SNX10: variants seen among roughly 807,000 people sequenced by gnomAD.
The protein encoded by SNX10 is sorting nexin 10, also known as sorting nexin-10.
A neutral mutation model predicts 28.5 loss-of-function variants in SNX10; 25 were observed. The observed-to-expected ratio is 0.88, with a 90% CI of 0.64 to 1.22. The LOEUF is 1.22. Ranked by LOEUF, SNX10 falls within the 50% of genes most tolerant of loss-of-function variation. SNX10 has a pLI of 0.00. For missense variants in SNX10, 223 were observed against 242.6 expected (o/e 0.92, Z 0.54); for synonymous variants, 62 against 81.4 (o/e 0.76, Z 1.28).
intron 2 of SNX10, among the ~76,000 whole-genome samples, chr7:26,353,208 C>T (rs1301991235): frequency 6.6e-6 from 1 of 152,180 alleles, no homozygotes; most frequent in Non-Finnish European, 1.5e-5. Context: ...GGTATTTAAA[C>T]ATACTCCATG....
intron 1 of SNX10, among the ~76,000 whole-genome samples, chr7:26,339,135 A>G (rs1391620143): frequency 6.6e-6 from 1 of 152,270 alleles, no homozygotes; most frequent in Non-Finnish European, 1.5e-5. Context: ...GAGTCAAACC[A>G]TGAACTGAAT....
intron 5 of SNX10, among the ~76,000 whole-genome samples, chr7:26,366,027 ATTATC>A (rs1490005972): frequency 6.6e-6 from 1 of 152,276 alleles, no homozygotes; most frequent in East Asian, 1.9e-4. Context: ...GTTGGCTGTT[ATTATC>A]TTAATGCACT....
intron 1 of SNX10, among the ~76,000 whole-genome samples, chr7:26,317,652 CTTT>C (rs1787141528): frequency 7.2e-6 from 1 of 139,258 alleles, no homozygotes; most frequent in Non-Finnish European, 1.5e-5. Flanking sequence ...TGGTGATCTT[CTTT>C]GATCTTTTTT....
At chr7:26,334,415 T>G (rs1033994181) in intron 1 of SNX10, among the ~76,000 whole-genome samples, 15 of 152,200 alleles carry the variant, frequency 9.9e-5, no homozygotes, top group Admixed American at 4.6e-4. Context: ...TTATTCTGTT[T>G]AGTAACTGGG....
At chr7:26,294,831 T>G (rs559141696) in intron 1 of SNX10, among the ~76,000 whole-genome samples, 2 of 152,332 alleles carry the variant, frequency 1.3e-5, no homozygotes, top group South Asian at 4.1e-4. Context: ...ATGTGGAAAC[T>G]GAGGCACAAA....
chr7:26,334,556 A>G (rs1787853275), intron 1 of SNX10, among the ~76,000 whole-genome samples: 1 of 152,184 alleles, frequency 6.6e-6, no homozygotes, highest in East Asian at 1.9e-4. Flanking sequence ...TGTGAGGTTA[A>G]AATTCTGTAA....
intron 2 of SNX10, among the ~76,000 whole-genome samples, chr7:26,354,860 C>T (rs1442035827): frequency 6.6e-6 from 1 of 151,930 alleles, no homozygotes; most frequent in Non-Finnish European, 1.5e-5. Context: ...ATGTGGATTG[C>T]CCTTTTGAGA....
intron 1 of SNX10, among the ~76,000 whole-genome samples, chr7:26,311,129 T>G (rs944297508): frequency 6.6e-6 from 1 of 151,782 alleles, no homozygotes; most frequent in South Asian, 2.1e-4. Flanking sequence ...GGGACAGTGG[T>G]TTAACATTTT....
chr7:26,299,980 G>A (rs953979769), intron 1 of SNX10, among the ~76,000 whole-genome samples: 32 of 152,108 alleles, frequency 2.1e-4, no homozygotes, highest in Non-Finnish European at 8.8e-5. Context: ...GGAGGCCGAG[G>A]CGAGTGGATC....
At chr7:26,299,665 C>T (rs1350392070) in intron 1 of SNX10, among the ~76,000 whole-genome samples, 1 of 152,052 alleles carries the variant, frequency 6.6e-6, no homozygotes, top group African/African-American at 2.4e-5. Context: ...ACCTCGTGAT[C>T]TGCCCGCCTT....
chr7:26,319,045 T>C (rs1490229330), intron 1 of SNX10, among the ~76,000 whole-genome samples: 1 of 152,212 alleles, frequency 6.6e-6, no homozygotes, highest in Non-Finnish European at 1.5e-5. Flanking sequence ...CCTTTCAAGC[T>C]AGTTATTGGA....
At chr7:26,316,377 A>G (rs79293489) in intron 1 of SNX10, among the ~76,000 whole-genome samples, 10,186 of 152,202 alleles carry the variant, frequency 0.067, 462 homozygotes, top group East Asian at 0.19. Flanking sequence ...CATTGGTGTG[A>G]TTACATTATC....
intron 1 of SNX10, among the ~76,000 whole-genome samples, chr7:26,316,060 T>A (rs1787071849): frequency 6.6e-6 from 1 of 151,596 alleles, no homozygotes; most frequent in African/African-American, 2.4e-5. Context: ...GGCAGGCGCC[T>A]GTAGTCCCAG....
At chr7:26,341,499 ATT>A (rs77220780) in intron 1 of SNX10, among the ~76,000 whole-genome samples, 53 of 145,696 alleles carry the variant, frequency 3.6e-4, no homozygotes, top group East Asian at 4.1e-4. Context: ...CTCTATGTGC[ATT>A]TTTTTTTTTT....
intron 2 of SNX10, chr7:26,353,909 GAACA>G (rs1263512452): frequency 6.6e-6 from 1 of 152,098 alleles, no homozygotes; most frequent in Non-Finnish European, 1.5e-5. Flanking sequence ...CCAAGAAAAA[GAACA>G]AACTGAGACA....
chr7:26,336,479 G>A (rs904641012), intron 1 of SNX10, among the ~76,000 whole-genome samples: 15 of 152,138 alleles, frequency 9.9e-5, no homozygotes, highest in Non-Finnish European at 1.6e-4. Context: ...TGAAGTGAGT[G>A]GATGACTTGA....
chr7:26,360,502 A>G (rs1789023041), intron 2 of SNX10: 2 of 159,982 alleles, frequency 1.3e-5, no homozygotes, highest in African/African-American at 4.8e-5. Context: ...GATCCTTCCA[A>G]AGTGCTGGGA....
Position 26,372,014 on chromosome 7 carries a change from A to G in SNX10, c.505A>G (p.Ile169Val), listed in dbSNP as rs186635992. 16 of 1,603,732 alleles carry G rather than the reference A, an allele frequency of 1.0e-5. No individual in the cohort carries two copies. Among genetic ancestry groups the G allele is most frequent in the Non-Finnish European group, 1.3e-5 (15 of 1,171,306 alleles). Residue 169 changes from isoleucine (I) to valine (V), a missense_variant, in exon 6 of 7, where the codon ATA (isoleucine) becomes GTA (valine). Coordinates refer to ENST00000338523, the MANE Select transcript of SNX10 (RefSeq NM_013322.3). ...TGAAGAAGGAAAAAAAGAAAATGAT[A>G]TAGATTATGATTCAGAAAGGTATTT... ...EDEEGKKEND[I>V]DYDSESSSSG...
Position 26,353,460 on chromosome 7 carries a change from T to TGG in SNX10, c.24+6995_24+6996dup, listed in dbSNP as rs371699790. Among the ~76,000 whole-genome samples, 242 of 83,336 alleles carry TGG rather than the reference T, an allele frequency of 2.9e-3. 6 individuals carry two copies. Among genetic ancestry groups the TGG allele is most frequent in the African/African-American group, 7.0e-3 (168 of 23,934 alleles). The allele number at this position is 83,336 out of a possible 152,430, so 54.7% of individuals were successfully genotyped here. ...TGCTTTTTTTTTTTTTTTTTTTTTT[T>TGG]GGTGGGGAGACAGAGTCTTGGTCTG... is the stretch of plus-strand genomic sequence containing the variant. On this transcript the variant is annotated intron_variant, in intron 2 of 6. Transcript: ENST00000338523.
Sources: gnomAD v4.1 joint callset for allele counts (sites outside exome capture counted in the v4.1 genomes callset) on GRCh38, gnomAD v4.1.1 for gene constraint, MANE v1.5 for transcripts, NCBI Gene and HGNC (gene_info 2026-07-23, HGNC 2026-07-21) for gene names.